Variants in LRMDA observed in about 807,000 individuals in gnomAD.
The protein encoded by LRMDA is leucine-rich melanocyte differentiation-associated protein.
LRMDA carries 18 observed loss-of-function variants against 29.8 expected under a neutral mutation model. The ratio of observed to expected loss-of-function variants is 0.60; its 90% confidence interval spans 0.42 to 0.90. LRMDA has a LOEUF of 0.90. LRMDA is among the 40% of genes least tolerant of loss of function. The pLI is 0.00. For missense variants in LRMDA, 273 were observed against 273.9 expected (o/e 1.00, Z 0.02); for synonymous variants, 125 against 109.4 (o/e 1.14, Z -0.89).
At position 75,894,636 on chromosome 10, in the gene LRMDA, T is replaced by G. The variant is rs550718623; in HGVS notation, c.132-141372T>G. Among the ~76,000 whole-genome samples, 16 of 152,298 alleles carry G rather than the reference T, an allele frequency of 1.1e-4. No homozygotes were observed. The South Asian group carries it at 3.3e-3, about 32-fold the overall frequency. On this transcript the variant is annotated intron_variant, in intron 2 of 6. Transcript: ENST00000611255. ...CTGCTTTGGAAGGATAGTTGGTGTG[T>G]GGGTGCATGTATGGAGATGGGCATT...
chr10:75,638,530 C>T (rs1022932256), intron 2 of LRMDA, among the ~76,000 whole-genome samples: 6 of 152,160 alleles, frequency 3.9e-5, no homozygotes, highest in African/African-American at 9.7e-5. Flanking sequence ...TTTCTTCTCT[C>T]GCTCTGCTTC....
At chr10:76,219,310 A>AC (rs200082559) in intron 5 of LRMDA, among the ~76,000 whole-genome samples, 6,487 of 152,298 alleles carry the variant, frequency 0.043, 442 homozygotes, top group African/African-American at 0.14. Flanking sequence ...ATTAAAAGAC[A>AC]CAGACTGGCA....
At chr10:75,685,828 C>T (rs1842075077) in intron 2 of LRMDA, among the ~76,000 whole-genome samples, 2 of 152,110 alleles carry the variant, frequency 1.3e-5, no homozygotes, top group South Asian at 4.1e-4. Flanking sequence ...TAAAAATAAA[C>T]AATAGTAATC....
intron 2 of LRMDA, among the ~76,000 whole-genome samples, chr10:75,893,169 C>A (rs1845523323): frequency 6.6e-6 from 1 of 152,108 alleles, no homozygotes; most frequent in African/African-American, 2.4e-5. Flanking sequence ...CCTGGTGATG[C>A]AAACAGTCTT....
At chr10:75,998,125 C>A (rs1847503225) in intron 2 of LRMDA, among the ~76,000 whole-genome samples, 1 of 152,128 alleles carries the variant, frequency 6.6e-6, no homozygotes, top group African/African-American at 2.4e-5. Context: ...AAGACATAAT[C>A]CTGGGGCTGT....
chr10:75,560,847 C>T (rs965108385), intron 2 of LRMDA, among the ~76,000 whole-genome samples: 37 of 151,968 alleles, frequency 2.4e-4, no homozygotes, highest in Admixed American at 3.9e-4. Context: ...TATTGATTTG[C>T]GTATATTGAA....
chr10:75,697,043 G>A (rs1006473096), intron 2 of LRMDA, among the ~76,000 whole-genome samples: 4 of 152,172 alleles, frequency 2.6e-5, no homozygotes, highest in Non-Finnish European at 2.9e-5. Flanking sequence ...GAATCTGAAT[G>A]TTTGCATTGA....
At chr10:75,981,708 T>A (rs555867971) in intron 2 of LRMDA, among the ~76,000 whole-genome samples, 19 of 151,904 alleles carry the variant, frequency 1.3e-4, no homozygotes, top group African/African-American at 4.1e-4. Flanking sequence ...GAACATTAGC[T>A]GGGAATGGTG....
At chr10:76,407,526 A>C (rs1159778689) in intron 6 of LRMDA, among the ~76,000 whole-genome samples, 1 of 152,200 alleles carries the variant, frequency 6.6e-6, no homozygotes, top group East Asian at 1.9e-4. Flanking sequence ...AGATTTGATG[A>C]ATTAGAATAA....
At chr10:76,156,563 G>GA (rs5786218) in intron 5 of LRMDA, among the ~76,000 whole-genome samples, 32,829 of 149,536 alleles carry the variant, frequency 0.22, 4,677 homozygotes, top group African/African-American at 0.4. Flanking sequence ...AAGAGTTGCT[G>GA]AAAAAAAAAA....
chr10:75,486,355 G>A (rs972716044), intron 2 of LRMDA, among the ~76,000 whole-genome samples: 2 of 152,098 alleles, frequency 1.3e-5, no homozygotes, highest in Admixed American at 6.6e-5. Context: ...TACACTTCTT[G>A]TAGTTCTTGT....
rs150365068 is a variant in LRMDA at position 76,191,970 on chromosome 10, T to C, written c.517-132431T>C. ...GTACAGAAAAAGACTTGTGGGCAAA[T>C]TGGCCAAGACAGCAGAATAACAAAC... On this transcript the variant is annotated intron_variant, in intron 5 of 6. Coordinates refer to ENST00000611255, the MANE Select transcript of LRMDA (RefSeq NM_001305581.2). 1.8e-3 allele frequency among the ~76,000 whole-genome samples: 272 copies of C among 152,122 alleles called. No individual in the cohort carries two copies. In the Middle Eastern group the frequency reaches 0.034, roughly 19 times the overall value.
chr10:75,786,847 C>T (rs1843479893), intron 2 of LRMDA, among the ~76,000 whole-genome samples: 1 of 152,188 alleles, frequency 6.6e-6, no homozygotes, highest in South Asian at 2.1e-4. Flanking sequence ...ACACACACTA[C>T]TTTTGGGCAC....
intron 2 of LRMDA, among the ~76,000 whole-genome samples, chr10:75,610,294 C>T (rs1841011541): frequency 1.3e-5 from 2 of 151,874 alleles, no homozygotes; most frequent in South Asian, 4.2e-4. Flanking sequence ...GAGAAGTAGT[C>T]CTCATTAATA....
At chr10:75,450,760 G>A (rs1408930914) in intron 2 of LRMDA, 1 of 152,242 alleles carries the variant, frequency 6.6e-6, no homozygotes, top group Admixed American at 6.5e-5. Flanking sequence ...ACACATTTCT[G>A]CATTAAATCC....
chr10:75,751,305 G>T (rs1842966342), intron 2 of LRMDA, among the ~76,000 whole-genome samples: 1 of 151,806 alleles, frequency 6.6e-6, no homozygotes, highest in African/African-American at 2.4e-5. Flanking sequence ...GGAGACTGTG[G>T]AGAGAGAGGG....
chr10:76,406,944 C>T (rs1276770129), intron 6 of LRMDA, among the ~76,000 whole-genome samples: 1 of 152,192 alleles, frequency 6.6e-6, no homozygotes, highest in Non-Finnish European at 1.5e-5. Flanking sequence ...AGTTGAGCTA[C>T]AGTTCACTCA....
intron 5 of LRMDA, among the ~76,000 whole-genome samples, chr10:76,135,777 T>C (rs1416988457): frequency 6.6e-6 from 1 of 151,918 alleles, no homozygotes; most frequent in Non-Finnish European, 1.5e-5. Context: ...CTTTCTTTTT[T>C]TTTTTTTTAA....
chr10:75,872,246 T>C (rs778331036), intron 2 of LRMDA, among the ~76,000 whole-genome samples: 1 of 152,168 alleles, frequency 6.6e-6, no homozygotes, highest in Non-Finnish European at 1.5e-5. Flanking sequence ...GAACATCTCA[T>C]TATGTTTCCA....
Sources: gnomAD v4.1 joint callset for allele counts (sites outside exome capture counted in the v4.1 genomes callset) on GRCh38, gnomAD v4.1.1 for gene constraint, MANE v1.5 for transcripts, NCBI Gene and HGNC (gene_info 2026-07-23, HGNC 2026-07-21) for gene names.